KIF5C: variants seen among roughly 807,000 people sequenced by gnomAD.
KIF5C encodes kinesin heavy chain isoform 5C.
A neutral mutation model predicts 125.2 loss-of-function variants in KIF5C; 18 were observed. That is an observed-to-expected ratio of 0.14 (90% CI 0.10 to 0.21). The LOEUF (loss-of-function observed/expected upper bound fraction) is 0.21. Ranked by LOEUF, KIF5C falls within the 10% of genes least tolerant of loss-of-function variation. The probability of loss-of-function intolerance (pLI) is 1.00; values close to 1 mark genes in which losing one functional copy is unlikely to be tolerated. For synonymous variants in KIF5C, 405 were observed against 434.0 expected, an observed-to-expected ratio of 0.93 and a Z score of 0.83; for missense variants, 780 against 1,183.8, an observed-to-expected ratio of 0.66 and a Z score of 5.01.
intron 2 of KIF5C, among the ~76,000 whole-genome samples, chr2:148,922,728 C>T (rs561924840): frequency 2.0e-5 from 3 of 152,236 alleles, no homozygotes; most frequent in South Asian, 4.2e-4. Context: ...ATCACATTAC[C>T]GTGTTGGTTA....
chr2:148,887,835 A>C (rs11899232), intron 1 of KIF5C, among the ~76,000 whole-genome samples: 28,868 of 151,178 alleles, frequency 0.19, 4,871 homozygotes, highest in African/African-American at 0.46. Flanking sequence ...CGCTAGTAGT[A>C]CGCTTCGGTT....
At chr2:148,881,381 TGTGTGC>T (rs1052517391) in intron 1 of KIF5C, among the ~76,000 whole-genome samples, 2 of 152,212 alleles carry the variant, frequency 1.3e-5, no homozygotes, top group African/African-American at 4.8e-5. Context: ...TGCATGTTTG[TGTGTGC>T]GTGTGCGTGT....
intron 14 of KIF5C, among the ~76,000 whole-genome samples, chr2:148,983,043 C>T (rs766302626): frequency 5.5e-4 from 84 of 152,084 alleles, no homozygotes; most frequent in Non-Finnish European, 9.3e-4. Context: ...AACTATTGAA[C>T]GTAACCTAAT....
At chr2:148,956,442 C>T (rs191731955) in intron 10 of KIF5C, among the ~76,000 whole-genome samples, 29 of 152,276 alleles carry the variant, frequency 1.9e-4, no homozygotes, top group African/African-American at 6.0e-4. Context: ...GATCTTTGTC[C>T]ACTAGGCTTG....
At position 148,960,405 on chromosome 2, in the gene KIF5C, A is replaced by G. The variant is rs370687437; in HGVS notation, c.969-1566A>G. Reference sequence around the variant, plus strand: ...ACTAAGTTGATAATGGATGCTTGTAATGTTTGTGCTTGCATCTGAGAAGCA... The same window carrying G: ...ACTAAGTTGATAATGGATGCTTGTAGTGTTTGTGCTTGCATCTGAGAAGCA... On this transcript the variant is annotated intron_variant, in intron 10 of 25. Coordinates refer to ENST00000435030, the MANE Select transcript of KIF5C (RefSeq NM_004522.3). 2.6e-5 allele frequency among the ~76,000 whole-genome samples: 4 copies of G among 152,320 alleles called. No homozygotes were observed. The East Asian group carries it at 7.7e-4, about 29-fold the overall frequency.
chr2:148,902,841 C>T (rs1383776785), intron 1 of KIF5C, among the ~76,000 whole-genome samples: 1 of 152,174 alleles, frequency 6.6e-6, no homozygotes, highest in Non-Finnish European at 1.5e-5. Flanking sequence ...TATTATATTC[C>T]TAGCTGTTTT....
At chr2:148,971,310 A>G (rs561467928) in intron 11 of KIF5C, among the ~76,000 whole-genome samples, 6 of 151,974 alleles carry the variant, frequency 3.9e-5, no homozygotes, top group South Asian at 4.2e-4. Context: ...CTATCTATCT[A>G]TCTATCTATC....
rs1297084562 is a variant in KIF5C at position 149,024,799 on chromosome 2, G to A, written c.*1729G>A. 6.6e-6 allele frequency: 1 copy of A among 152,368 alleles called. No homozygotes were observed. Among genetic ancestry groups the A allele is most frequent in the Admixed American group, 6.6e-5 (1 of 15,250 alleles). 9.4% of individuals were successfully genotyped at this position (152,368 alleles called of 1,614,324 possible). On this transcript the variant is annotated 3_prime_UTR_variant, in exon 26 of 26. Coordinates refer to ENST00000435030, the MANE Select transcript of KIF5C (RefSeq NM_004522.3). Reference sequence around the variant, plus strand: ...TAAATTTTTTTCATTCTTTAATTTTGTTATCAGTGCCAGCCCAATATACCT... The same window carrying A: ...TAAATTTTTTTCATTCTTTAATTTTATTATCAGTGCCAGCCCAATATACCT...
intron 15 of KIF5C, among the ~76,000 whole-genome samples, chr2:148,985,901 A>G (rs1345616703): frequency 1.3e-5 from 2 of 152,234 alleles, no homozygotes; most frequent in African/African-American, 4.8e-5. Flanking sequence ...ATTATTTCAT[A>G]AATCCTTGTG....
intron 23 of KIF5C, 34 bp downstream of exon 23, chr2:149,008,101 C>T: frequency 6.3e-7 from 1 of 1,581,000 alleles, no homozygotes; most frequent in East Asian, 2.2e-5. Flanking sequence ...CTCTGATTCC[C>T]TCCTCTCTCC....
chr2:148,905,342 G>C (rs1681064055), intron 1 of KIF5C, among the ~76,000 whole-genome samples: 1 of 152,130 alleles, frequency 6.6e-6, no homozygotes, highest in Non-Finnish European at 1.5e-5. Flanking sequence ...TATTTAAAAA[G>C]AGAAATTAAA....
At chr2:148,987,978 A>C (rs2105168271) in intron 15 of KIF5C, among the ~76,000 whole-genome samples, 1 of 152,146 alleles carries the variant, frequency 6.6e-6, no homozygotes, top group South Asian at 2.1e-4. Flanking sequence ...AGAGGTAGGG[A>C]TGACTCCCTG....
chr2:148,928,574 A>G (rs1682091332), intron 2 of KIF5C, among the ~76,000 whole-genome samples: 1 of 152,172 alleles, frequency 6.6e-6, no homozygotes, highest in Admixed American at 6.5e-5. Flanking sequence ...TGTGGCACCG[A>G]CCTGCAGTGT....
chr2:148,923,477 G>T (rs1681872966), intron 2 of KIF5C, among the ~76,000 whole-genome samples: 1 of 152,132 alleles, frequency 6.6e-6, no homozygotes, highest in South Asian at 2.1e-4. Flanking sequence ...CCTATATCGG[G>T]TGGTAATTTT....
chr2:149,006,552 T>C (rs1260306223), intron 22 of KIF5C, among the ~76,000 whole-genome samples: 2 of 152,134 alleles, frequency 1.3e-5, no homozygotes, highest in Non-Finnish European at 2.9e-5. Context: ...GTAGGGGATG[T>C]GCTATGGAAG....
intron 1 of KIF5C, among the ~76,000 whole-genome samples, chr2:148,887,780 C>T (rs565820689): frequency 6.6e-6 from 1 of 152,074 alleles, no homozygotes; most frequent in Admixed American, 6.5e-5. Flanking sequence ...ACCATAGTAC[C>T]CAGTAGGTAG....
rs868675801 is a variant in KIF5C at position 148,992,140 on chromosome 2, A to G, written c.1905+942A>G. Reference sequence around the variant, plus strand: ...TTATTCTGGTATGCTTTTAACCATAATAATGTGTAATCATAGAAACATCTC... The same window carrying G: ...TTATTCTGGTATGCTTTTAACCATAGTAATGTGTAATCATAGAAACATCTC... On this transcript the variant is annotated intron_variant, in intron 16 of 25. Coordinates refer to ENST00000435030, the MANE Select transcript of KIF5C (RefSeq NM_004522.3). 8.5e-5 allele frequency among the ~76,000 whole-genome samples: 13 copies of G among 152,342 alleles called. 1 individual carries two copies. Among genetic ancestry groups the G allele is most frequent in the Middle Eastern group, 6.8e-3 (2 of 294 alleles).
intron 7 of KIF5C, among the ~76,000 whole-genome samples, chr2:148,944,803 C>A (rs984912286): frequency 6.6e-6 from 1 of 152,120 alleles, no homozygotes; most frequent in Non-Finnish European, 1.5e-5. Flanking sequence ...TTCTCTATAT[C>A]CTTGCCACTT....
chr2:148,889,834 C>G (rs961255541), intron 1 of KIF5C, among the ~76,000 whole-genome samples: 2 of 152,128 alleles, frequency 1.3e-5, no homozygotes, highest in Non-Finnish European at 2.9e-5. Context: ...CTGGCAAGCC[C>G]AGGGGCTGGG....
Sources: allele counts gnomAD v4.1 joint callset (sites outside exome capture counted in the v4.1 genomes callset), GRCh38; gene constraint gnomAD v4.1.1; transcripts MANE v1.5; gene names NCBI Gene and HGNC (gene_info 2026-07-23, HGNC 2026-07-21).